Variants in TMEM236 observed in about 807,000 individuals in gnomAD.
TMEM236 encodes family with sequence similarity 23, member A.
Under a neutral mutation model 14.7 loss-of-function variants are expected in TMEM236, and 11 were observed. That is an observed-to-expected ratio of 0.75 (90% CI 0.47 to 1.24). The LOEUF is 1.24. Ranked by LOEUF, TMEM236 falls within the 50% of genes most tolerant of loss-of-function variation. The pLI is 0.00. For missense variants in TMEM236, 464 were observed against 427.3 expected (o/e 1.09, Z -0.76); for synonymous variants, 182 against 168.6 (o/e 1.08, Z -0.62).
At chr10:17,766,959 C>G (rs923031863) in intron 1 of TMEM236, among the ~76,000 whole-genome samples, 1 of 152,048 alleles carries the variant, frequency 6.6e-6, no homozygotes, top group African/African-American at 2.4e-5. Context: ...TCACAGTCTT[C>G]CCTCTGTGCA....
intron 3 of TMEM236, among the ~76,000 whole-genome samples, chr10:17,787,262 C>G (rs972858594): frequency 6.6e-6 from 1 of 152,210 alleles, no homozygotes; most frequent in African/African-American, 2.4e-5. Context: ...AGCGCTGGCA[C>G]CCTCTGTGGG....
rs1241786883 is a variant in TMEM236, at chr10:17,797,709, T to A, written c.*1205T>A. 2 of 152,198 alleles carry A rather than the reference T, an allele frequency of 1.3e-5. No homozygotes were observed. Among genetic ancestry groups the A allele is most frequent in the Admixed American group, 6.5e-5 (1 of 15,274 alleles). The allele number at this position is 152,198 out of a possible 1,614,324, so 9.4% of individuals were successfully genotyped here. A position where few individuals can be genotyped will look rare whatever the true frequency, so the allele number is the denominator to read the frequency against. ...TTTATTCAATAAATTGATTTCAGCA[T>A]AAAAAGCAATTCACTTTAACAGATA... On this transcript the variant is annotated 3_prime_UTR_variant, in exon 4 of 4. Transcript: ENST00000377495.
intron 3 of TMEM236, among the ~76,000 whole-genome samples, chr10:17,794,585 C>G (rs1378425603): frequency 6.6e-6 from 1 of 152,102 alleles, no homozygotes; most frequent in Admixed American, 6.5e-5. Flanking sequence ...CATCACGTGC[C>G]CTATTCATTC....
chr10:17,777,593 G>T (rs910751406), intron 3 of TMEM236, among the ~76,000 whole-genome samples: 26,497 of 151,700 alleles, frequency 0.17, 2,387 homozygotes, highest in African/African-American at 0.21. Context: ...TGCACCCAGC[G>T]TTAAATTGGA....
intron 3 of TMEM236, among the ~76,000 whole-genome samples, chr10:17,787,715 G>A (rs1589151827): frequency 6.6e-6 from 1 of 152,170 alleles, no homozygotes; most frequent in Non-Finnish European, 1.5e-5. Flanking sequence ...AGAAACAGGC[G>A]AGGCTGCCTT....
chr10:17,766,182 C>T (rs1450599858), intron 1 of TMEM236, among the ~76,000 whole-genome samples: 1 of 152,216 alleles, frequency 6.6e-6, no homozygotes, highest in Admixed American at 6.5e-5. Flanking sequence ...TCTTCATTCA[C>T]ATTTTATTGT....
At position 17,776,041 on chromosome 10, in the gene TMEM236, A is replaced by G. The variant is rs574844694; in HGVS notation, c.343A>G (p.Ile115Val). 4.2e-3 allele frequency: 6,728 copies of G among 1,613,846 alleles called. 225 individuals are homozygous for G. In the African/African-American group the frequency reaches 0.075, roughly 18 times the overall value. The change falls in exon 3 of 4, where the codon ATT becomes GTT. Residue 115 changes from isoleucine (I) to valine (V), a missense_variant. Physicochemically the swap from Ile to Val is conservative, Grantham distance 29 (BLOSUM62 3). Coordinates refer to ENST00000377495, the MANE Select transcript of TMEM236 (RefSeq NM_001098844.3). The part of the protein sequence containing the change: ...SIAVTEVQKS[I>V]NGSADVLPDM... The stretch of plus-strand genomic sequence containing the variant: ...TTTCTCTAAACAGGTTCAAAAGAGC[A>G]TTAATGGGTCCGCTGATGTCTTACC...
intron 3 of TMEM236, among the ~76,000 whole-genome samples, chr10:17,790,929 A>G (rs1837914821): frequency 6.6e-6 from 1 of 152,214 alleles, no homozygotes. Flanking sequence ...ACTGCCTCAC[A>G]TTCGCCTCTA....
chr10:17,764,647 T>A (rs1486561093), intron 1 of TMEM236, among the ~76,000 whole-genome samples: 1 of 152,108 alleles, frequency 6.6e-6, no homozygotes, highest in Non-Finnish European at 1.5e-5. Context: ...GCAAGGTTGG[T>A]TCCTTGTGAG....
intron 3 of TMEM236, among the ~76,000 whole-genome samples, chr10:17,783,426 G>A (rs938424036): frequency 4.6e-5 from 7 of 152,124 alleles, no homozygotes; most frequent in East Asian, 1.9e-4. Context: ...CAAAGGAGGC[G>A]GTTTCCACTA....
At chr10:17,752,919 T>G (rs1837230336) in intron 1 of TMEM236, among the ~76,000 whole-genome samples, 1 of 152,042 alleles carries the variant, frequency 6.6e-6, no homozygotes, top group South Asian at 2.1e-4. Context: ...AAGATACGTT[T>G]GTTTGTTTGT....
chr10:17,761,320 G>A (rs936801865), intron 1 of TMEM236, among the ~76,000 whole-genome samples: 2 of 151,996 alleles, frequency 1.3e-5, no homozygotes, highest in Non-Finnish European at 2.9e-5. Flanking sequence ...TTCACCCACT[G>A]GTCTTCTTGC....
At chr10:17,786,279 AG>A (rs1554835703) in intron 3 of TMEM236, among the ~76,000 whole-genome samples, 3 of 152,210 alleles carry the variant, frequency 2.0e-5, no homozygotes. Flanking sequence ...TTAAAGGCAT[AG>A]GTCACTGATT....
intron 1 of TMEM236, among the ~76,000 whole-genome samples, chr10:17,756,328 G>T (rs2131739089): frequency 6.6e-6 from 1 of 151,492 alleles, no homozygotes; most frequent in African/African-American, 2.4e-5. Flanking sequence ...ATGGAGTCTA[G>T]CTCTGTTGCC....
At position 17,752,370 on chromosome 10, in the gene TMEM236, C is replaced by T. The variant is rs972675192; in HGVS notation, c.75C>T (p.Leu25=). Residue 25 remains leucine, a synonymous_variant, in exon 1 of 4, where the codon CTC becomes CTT. Coordinates refer to ENST00000377495, the MANE Select transcript of TMEM236 (RefSeq NM_001098844.3). ...LEFAAFSIPT[L]VITEQFATAY... Reference sequence around the variant, plus strand: ...TTGCCGCTTTCTCCATCCCCACACTCGTGATCACAGAACAGTTTGCCACCG... The same window carrying T: ...TTGCCGCTTTCTCCATCCCCACACTTGTGATCACAGAACAGTTTGCCACCG... 75 of 1,613,716 alleles carry T rather than the reference C, an allele frequency of 4.6e-5. No homozygotes were observed. The highest frequency in any genetic ancestry group is 5.3e-5 in the African/African-American group (4 of 74,880).
intron 3 of TMEM236, among the ~76,000 whole-genome samples, chr10:17,777,998 C>G (rs1055429320): frequency 2.0e-5 from 3 of 152,224 alleles, no homozygotes; most frequent in Non-Finnish European, 4.4e-5. Context: ...CTGGGCCTCC[C>G]AAAGTGCTGG....
chr10:17,793,768 C>T (rs1837965785), intron 3 of TMEM236, among the ~76,000 whole-genome samples: 1 of 152,202 alleles, frequency 6.6e-6, no homozygotes, highest in South Asian at 2.1e-4. Context: ...CAGGCGTGAG[C>T]CATCACGCCT....
chr10:17,796,095 A>G lies in TMEM236; in HGVS notation c.647A>G (p.Gln216Arg), dbSNP rs1838009228. The G allele has an allele frequency of 1.2e-6, 2 of 1,613,906 alleles. No individual in the cohort carries two copies. The highest frequency in any genetic ancestry group is 1.7e-6 in the Non-Finnish European group (2 of 1,179,858). The change falls in exon 4 of 4, where the codon CAG becomes CGG. Residue 216 changes from glutamine to arginine, a missense_variant. Coordinates refer to ENST00000377495, the MANE Select transcript of TMEM236 (RefSeq NM_001098844.3). ...RSQESVFMGPQEPSCDSGILR... is the reference protein window; with the variant it reads ...RSQESVFMGPREPSCDSGILR... ...CAGGAGTCTGTGTTCATGGGACCCC[A>G]GGAGCCCTCCTGTGACTCCGGAATC...
At chr10:17,779,639 GAC>G (rs1837716214) in intron 3 of TMEM236, among the ~76,000 whole-genome samples, 1 of 152,058 alleles carries the variant, frequency 6.6e-6, no homozygotes, top group Admixed American at 6.5e-5. Flanking sequence ...TTGAACTCCT[GAC>G]CTCAAGTGAT....
Sources: gnomAD v4.1 joint callset for allele counts (sites outside exome capture counted in the v4.1 genomes callset) on GRCh38, gnomAD v4.1.1 for gene constraint, MANE v1.5 for transcripts, NCBI Gene and HGNC (gene_info 2026-07-23, HGNC 2026-07-21) for gene names.